DPP6: variants seen among roughly 807,000 people sequenced by gnomAD.
The protein encoded by DPP6 is dipeptidyl peptidase like 6, also known as A-type potassium channel modulatory protein DPP6.
Under a neutral mutation model 122.6 loss-of-function variants are expected in DPP6, and 69 were observed. That is an observed-to-expected ratio of 0.56 (90% CI 0.46 to 0.69). The LOEUF (loss-of-function observed/expected upper bound fraction) is 0.69, where lower values mean the gene tolerates loss of function less well. Among genes scored for constraint, DPP6 ranks in the 30% least tolerant of loss-of-function variants. The pLI, the probability that DPP6 is intolerant of heterozygous loss-of-function variation, is 0.00. For synonymous variants in DPP6, 418 were observed against 433.1 expected (o/e 0.97, Z 0.43); for missense variants, 928 against 1,116.9 (o/e 0.83, Z 2.41).
chr7:154,565,221 G>T (rs931790024), intron 4 of DPP6, among the ~76,000 whole-genome samples: 6 of 152,162 alleles, frequency 3.9e-5, no homozygotes, highest in Admixed American at 3.3e-4. Context: ...TTAGACTAGA[G>T]GTTCAAAGGA....
At position 154,262,843 on chromosome 7, in the gene DPP6, T is replaced by C. The variant is rs141231656; in HGVS notation, c.244-183371T>C. Among the ~76,000 whole-genome samples, 27 of 152,270 alleles carry C rather than the reference T, an allele frequency of 1.8e-4. 1 individual carries two copies. In the East Asian group the frequency reaches 4.8e-3, roughly 27 times the overall value. On this transcript the variant is annotated intron_variant, in intron 1 of 25. Coordinates refer to ENST00000377770, the MANE Select transcript of DPP6 (RefSeq NM_130797.4). Reference sequence around the variant, plus strand: ...TGAGGATAGCTTCTCGAGATACCCTTATGGTTTAACTGTATTTTTCACGCA... The same window carrying C: ...TGAGGATAGCTTCTCGAGATACCCTCATGGTTTAACTGTATTTTTCACGCA...
intron 1 of DPP6, among the ~76,000 whole-genome samples, chr7:154,357,147 GC>G (rs1393443904): frequency 6.6e-6 from 1 of 151,972 alleles, no homozygotes; most frequent in African/African-American, 2.4e-5. Context: ...TATAGTAAAA[GC>G]AAGAGGTTAA....
chr7:154,540,930 A>T (rs1828675024), intron 4 of DPP6, among the ~76,000 whole-genome samples: 1 of 152,178 alleles, frequency 6.6e-6, no homozygotes, highest in Admixed American at 6.5e-5. Context: ...AACAATTGCA[A>T]TAATGCATGT....
At chr7:154,717,640 C>G (rs1332665180) in intron 7 of DPP6, among the ~76,000 whole-genome samples, 1 of 152,180 alleles carries the variant, frequency 6.6e-6, no homozygotes, top group Admixed American at 6.5e-5. Flanking sequence ...TACATTCATT[C>G]ATCCATCGAT....
chr7:154,683,969 A>T (rs1839441062), intron 7 of DPP6, among the ~76,000 whole-genome samples: 1 of 152,164 alleles, frequency 6.6e-6, no homozygotes, highest in Non-Finnish European at 1.5e-5. Flanking sequence ...CCTTGGCTCA[A>T]GCGATCCTCC....
chr7:154,743,790 C>T (rs990262995), intron 8 of DPP6, among the ~76,000 whole-genome samples: 4 of 152,076 alleles, frequency 2.6e-5, no homozygotes, highest in African/African-American at 9.7e-5. Context: ...TCCAGGACCC[C>T]TGAGTTACCA....
At chr7:154,698,551 T>C (rs1840345338) in intron 7 of DPP6, among the ~76,000 whole-genome samples, 1 of 152,220 alleles carries the variant, frequency 6.6e-6, no homozygotes, top group Admixed American at 6.5e-5. Flanking sequence ...CTAATATAAT[T>C]TAATTGCATA....
At chr7:154,362,393 C>T (rs1410967474) in intron 1 of DPP6, among the ~76,000 whole-genome samples, 2 of 152,238 alleles carry the variant, frequency 1.3e-5, no homozygotes, top group Middle Eastern at 3.4e-3. Context: ...ATACCACTGC[C>T]TCCCTAGCAA....
chr7:154,887,589 C>A, intron 22 of DPP6, 87 bp from the exon 23 acceptor site: 2 of 1,365,126 alleles, frequency 1.5e-6, no homozygotes, highest in Non-Finnish European at 2.1e-6. Context: ...ACCCCGCACC[C>A]GGTCCAGGGC....
chr7:154,047,038 C>T (rs1186601497), intron 1 of DPP6, among the ~76,000 whole-genome samples: 3 of 149,714 alleles, frequency 2.0e-5, no homozygotes, highest in East Asian at 2.0e-4. Flanking sequence ...ATTTGACTGA[C>T]CCTATCTTTA....
chr7:154,745,819 G>A (rs1037026932), intron 8 of DPP6, among the ~76,000 whole-genome samples: 3 of 152,110 alleles, frequency 2.0e-5, no homozygotes, highest in African/African-American at 7.2e-5. Flanking sequence ...ACCCTTGGGG[G>A]AGGCCATTAA....
At chr7:153,927,005 T>TG (rs1491348623) in intron 1 of DPP6, among the ~76,000 whole-genome samples, 15 of 112,732 alleles carry the variant, frequency 1.3e-4, no homozygotes, top group African/African-American at 4.7e-4. Flanking sequence ...TTAAGTTAAA[T>TG]TTTTTTTTTT....
chr7:154,485,945 C>T (rs1286478122), intron 3 of DPP6, among the ~76,000 whole-genome samples: 2 of 143,298 alleles, frequency 1.4e-5, no homozygotes, highest in African/African-American at 2.6e-5. Context: ...CCTCCCCCCT[C>T]CCCCCACCCC....
At chr7:154,537,467 C>G (rs754332811) in intron 3 of DPP6, among the ~76,000 whole-genome samples, 98 of 152,250 alleles carry the variant, frequency 6.4e-4, no homozygotes, top group Middle Eastern at 3.4e-3. Flanking sequence ...GTCATAACCA[C>G]TTTTGAAAAT....
At chr7:153,768,661 A>G in the DPP6 span, among the ~76,000 whole-genome samples, 4 of 152,174 alleles carry the variant, frequency 2.6e-5, no homozygotes, top group African/African-American at 9.6e-5. Context: ...ATTGTCTTCA[A>G]ATCTTTTGCT....
At chr7:153,904,671 A>C (rs765876185) in intron 1 of DPP6, among the ~76,000 whole-genome samples, 3 of 152,236 alleles carry the variant, frequency 2.0e-5, no homozygotes, top group East Asian at 3.9e-4. Context: ...ACCTCAGTGA[A>C]TAAAATATAG....
At chr7:154,068,780 GC>G (rs371810065) in intron 1 of DPP6, among the ~76,000 whole-genome samples, 1,989 of 1,990 alleles carry the variant, frequency 1, 994 homozygotes, top group Middle Eastern at 1. Flanking sequence ...CAGCCTCGGC[GC>G]CCGGGCGGGT....
intron 1 of DPP6, among the ~76,000 whole-genome samples, chr7:154,023,318 G>GCACGCACGCACA (rs373378162): frequency 1.4e-3 from 186 of 129,618 alleles, no homozygotes; most frequent in South Asian, 7.8e-3. Context: ...TTTCTTGTCT[G>GCACGCACGCACA]CACACACACA....
chr7:154,098,756 G>A (rs1805520715), intron 1 of DPP6, among the ~76,000 whole-genome samples: 1 of 151,868 alleles, frequency 6.6e-6, no homozygotes, highest in Non-Finnish European at 1.5e-5. Context: ...TGGCCCTATT[G>A]TGGGAGCCTC....
Sources: allele counts gnomAD v4.1 joint callset (sites outside exome capture counted in the v4.1 genomes callset), GRCh38; gene constraint gnomAD v4.1.1; transcripts MANE v1.5; gene names NCBI Gene and HGNC (gene_info 2026-07-23, HGNC 2026-07-21).